ADCY2: variants seen among roughly 807,000 people sequenced by gnomAD.
ADCY2 encodes the protein adenylate cyclase type 2.
ADCY2 carries 31 observed loss-of-function variants against 125.2 expected under a neutral mutation model. The observed-to-expected ratio is 0.25, with a 90% confidence interval of 0.19 to 0.33. The LOEUF (loss-of-function observed/expected upper bound fraction) is 0.33. Among genes scored for constraint, ADCY2 ranks in the 10% least tolerant of loss-of-function variants. The pLI, the probability that ADCY2 is intolerant of heterozygous loss-of-function variation, is 1.00. For synonymous variants in ADCY2, 512 were observed against 548.4 expected (o/e 0.93, Z 0.93); for missense variants, 904 against 1,418.2 (o/e 0.64, Z 5.82).
intron 22 of ADCY2, among the ~76,000 whole-genome samples, chr5:7,805,312 C>T (rs1744725825): frequency 6.6e-6 from 1 of 152,000 alleles, no homozygotes; most frequent in African/African-American, 2.4e-5. Flanking sequence ...CAGAGTGACA[C>T]CGCATCTAAA....
intron 5 of ADCY2, among the ~76,000 whole-genome samples, chr5:7,694,586 G>A (rs1356232826): frequency 6.6e-6 from 1 of 152,182 alleles, no homozygotes; most frequent in Non-Finnish European, 1.5e-5. Flanking sequence ...GTTTTCGGGA[G>A]TTTCAGCACA....
At chr5:7,619,207 A>G (rs1300244701) in intron 3 of ADCY2, among the ~76,000 whole-genome samples, 1 of 152,256 alleles carries the variant, frequency 6.6e-6, no homozygotes, top group Non-Finnish European at 1.5e-5. Flanking sequence ...GCAATTATCC[A>G]AACATCAGAC....
intron 14 of ADCY2, among the ~76,000 whole-genome samples, chr5:7,740,366 A>C (rs1171835455): frequency 6.6e-6 from 1 of 152,052 alleles, no homozygotes; most frequent in Non-Finnish European, 1.5e-5. Context: ...TAAAATGTTC[A>C]AATACATGGA....
chr5:7,592,531 C>T (rs1321939664), intron 3 of ADCY2, among the ~76,000 whole-genome samples: 1 of 145,346 alleles, frequency 6.9e-6, no homozygotes, highest in Non-Finnish European at 1.5e-5. Context: ...ACCTATTGTA[C>T]TAGGGGAACT....
intron 3 of ADCY2, among the ~76,000 whole-genome samples, chr5:7,621,019 ATG>A (rs1737937810): frequency 6.6e-6 from 1 of 152,210 alleles, no homozygotes; most frequent in Non-Finnish European, 1.5e-5. Context: ...CCACCCCAAC[ATG>A]AGGTTAAGAA....
intron 2 of ADCY2, among the ~76,000 whole-genome samples, chr5:7,458,164 C>G (rs1398983603): frequency 6.6e-6 from 1 of 152,068 alleles, no homozygotes; most frequent in African/African-American, 2.4e-5. Flanking sequence ...TCTGCTGCTG[C>G]TTACATTATG....
rs763347773 is a variant in ADCY2 at position 7,573,593 on chromosome 5, C to CTTT, written c.571-52551_571-52549dup. Among the ~76,000 whole-genome samples the CTTT allele has an allele frequency of 3.6e-3, 314 of 86,340 alleles. 7 individuals are homozygous for CTTT. Among genetic ancestry groups the CTTT allele is most frequent in the African/African-American group, 0.012 (266 of 22,518 alleles). The allele number at this position is 86,340 out of a possible 152,430, so 56.6% of individuals were successfully genotyped here. A position where few individuals can be genotyped will look rare whatever the true frequency, so the allele number is the denominator to read the frequency against. Reference sequence around the variant, plus strand: ...GCCTCTGGGATACAGGGTTGATTTTCTTTTTTTTTTTTTTTTTTTTTTTTT... The same window carrying CTTT: ...GCCTCTGGGATACAGGGTTGATTTTCTTTTTTTTTTTTTTTTTTTTTTTTTTTT... On this transcript the variant is annotated intron_variant, in intron 3 of 24. Transcript: ENST00000338316.
At chr5:7,683,590 G>A (rs1240071404) in intron 4 of ADCY2, among the ~76,000 whole-genome samples, 1 of 152,062 alleles carries the variant, frequency 6.6e-6, no homozygotes, top group Non-Finnish European at 1.5e-5. Flanking sequence ...GGCTCTTAAG[G>A]CTTTTGTTAG....
chr5:7,555,776 A>C (rs1373331535), intron 3 of ADCY2, among the ~76,000 whole-genome samples: 1 of 151,954 alleles, frequency 6.6e-6, no homozygotes, highest in Admixed American at 6.6e-5. Flanking sequence ...ATATGTTTTC[A>C]TAATGAGACT....
chr5:7,674,500 A>C (rs948397363), intron 4 of ADCY2, among the ~76,000 whole-genome samples: 2 of 152,176 alleles, frequency 1.3e-5, no homozygotes, highest in African/African-American at 2.4e-5. Context: ...GGTTCCATCC[A>C]TTCCTCAGCC....
intron 2 of ADCY2, among the ~76,000 whole-genome samples, chr5:7,445,106 TA>T (rs1374982801): frequency 6.6e-6 from 1 of 152,260 alleles, no homozygotes; most frequent in Non-Finnish European, 1.5e-5. Context: ...TTTATGTAGT[TA>T]AGTAGATCAA....
rs187518195 is a variant in ADCY2, at chr5:7,660,128, A to G, written c.721-30563A>G. Among the ~76,000 whole-genome samples, 565 of 151,426 alleles carry G rather than the reference A, an allele frequency of 3.7e-3. 2 individuals are homozygous for G. Among genetic ancestry groups the G allele is most frequent in the Non-Finnish European group, 3.3e-3 (221 of 67,930 alleles). On this transcript the variant is annotated intron_variant, in intron 4 of 24. Coordinates refer to ENST00000338316, the MANE Select transcript of ADCY2 (RefSeq NM_020546.3). ...GTGGATCATTCCTACACCAAGATTCACCCACATGCAATTTACCCATTTAAC... is the reference window on the plus strand; with the variant it reads ...GTGGATCATTCCTACACCAAGATTCGCCCACATGCAATTTACCCATTTAAC...
At chr5:7,414,552 T>C (rs1428107329) in intron 1 of ADCY2, 21 bp from the exon 2 acceptor site, 2 of 1,586,646 alleles carry the variant, frequency 1.3e-6, no homozygotes, top group Admixed American at 1.8e-5. Context: ...AACTTTTCCA[T>C]GTATTTTTTT....
chr5:7,470,463 TATCTA>T (rs746420553), intron 2 of ADCY2, among the ~76,000 whole-genome samples: 1 of 150,334 alleles, frequency 6.7e-6, no homozygotes, highest in Non-Finnish European at 1.5e-5. Context: ...AAGTATGTAT[TATCTA>T]ATATATGTAT....
At chr5:7,741,380 G>T (rs1742400198) in intron 14 of ADCY2, among the ~76,000 whole-genome samples, 1 of 152,112 alleles carries the variant, frequency 6.6e-6, no homozygotes, top group Non-Finnish European at 1.5e-5. Flanking sequence ...CTGGCAAAAT[G>T]AGGTAATAAT....
intron 3 of ADCY2, among the ~76,000 whole-genome samples, chr5:7,589,466 G>GAAAGA (rs1554022180): frequency 7.5e-5 from 3 of 39,854 alleles, no homozygotes; most frequent in African/African-American, 2.2e-4. Context: ...GAAAAAGAAA[G>GAAAGA]AAAGAAAGAA....
chr5:7,481,079 G>T (rs1742712162), intron 2 of ADCY2, among the ~76,000 whole-genome samples: 1 of 152,038 alleles, frequency 6.6e-6, no homozygotes. Context: ...ATAGTGGTTG[G>T]ACTAATTTAT....
chr5:7,712,754 T>TA, intron 10 of ADCY2, 102 bp from the exon 11 acceptor site: 3 of 789,880 alleles, frequency 3.8e-6, no homozygotes, highest in Middle Eastern at 2.8e-4. Context: ...AGTTAAATGT[T>TA]ACTGTCCATG....
intron 14 of ADCY2, among the ~76,000 whole-genome samples, chr5:7,740,513 A>G (rs571604034): frequency 6.6e-6 from 1 of 152,182 alleles, no homozygotes; most frequent in African/African-American, 2.4e-5. Flanking sequence ...TTACCAGCAT[A>G]AAAAACACAT....
Sources: allele counts gnomAD v4.1 joint callset (sites outside exome capture counted in the v4.1 genomes callset), GRCh38; gene constraint gnomAD v4.1.1; transcripts MANE v1.5; gene names NCBI Gene and HGNC (gene_info 2026-07-23, HGNC 2026-07-21).